Variants in NUP210L observed in about 807,000 individuals in gnomAD.
NUP210L encodes nucleoporin 210 like, also known as nuclear pore membrane glycoprotein 210-like.
In NUP210L, 74 loss-of-function variants were observed where a neutral mutation model predicts 208.5. That is an observed-to-expected ratio of 0.35 (90% CI 0.29 to 0.43). NUP210L has a LOEUF of 0.43. Ranked by LOEUF, NUP210L falls within the 20% of genes least tolerant of loss-of-function variation. NUP210L has a pLI of 1.00. For missense variants in NUP210L, 1,843 were observed against 2,289.4 expected (o/e 0.81, Z 3.98); for synonymous variants, 780 against 816.9 (o/e 0.95, Z 0.77).
chr1:154,025,907 T>C (rs1325051037), intron 29 of NUP210L, among the ~76,000 whole-genome samples, 191 bp from the exon 30 acceptor site: 1 of 152,104 alleles, frequency 6.6e-6, no homozygotes, highest in East Asian at 1.9e-4. Flanking sequence ...TAAAATCAAA[T>C]CTTATTACAT....
chr1:154,019,167 G>C (rs1410232274), intron 32 of NUP210L, 98 bp from the exon 33 acceptor site: 2 of 1,246,320 alleles, frequency 1.6e-6, no homozygotes, highest in Non-Finnish European at 2.2e-6. Context: ...CAAGCATGCA[G>C]ATATCTCTTC....
chr1:154,123,066 A>AT (rs1224875435), intron 10 of NUP210L, among the ~76,000 whole-genome samples: 3 of 137,900 alleles, frequency 2.2e-5, no homozygotes, highest in African/African-American at 8.1e-5. Context: ...AAAAAAAAAA[A>AT]AAACCACAAA....
At chr1:154,124,669 C>T (rs1657790525) in intron 10 of NUP210L, among the ~76,000 whole-genome samples, 1 of 152,172 alleles carries the variant, frequency 6.6e-6, no homozygotes, top group African/African-American at 2.4e-5. Context: ...GTACTCTATG[C>T]ACCTGGTAGT....
chr1:154,115,793 T>G (rs1657288579), intron 12 of NUP210L, among the ~76,000 whole-genome samples: 1 of 151,918 alleles, frequency 6.6e-6, no homozygotes. Context: ...GGCAAACTAT[T>G]AAGTCCTATA....
exon 22 of NUP210L, chr1:154,058,091 C>A: frequency 6.2e-7 from 1 of 1,614,010 alleles, no homozygotes; most frequent in South Asian, 1.1e-5. Flanking sequence ...GTACTTACGT[C>A]AGGGTGACAA....
intron 27 of NUP210L, among the ~76,000 whole-genome samples, chr1:154,031,721 CTTTT>C (rs780787597): frequency 1.4e-5 from 2 of 140,134 alleles, no homozygotes; most frequent in Non-Finnish European, 3.1e-5. Flanking sequence ...GATCACATTC[CTTTT>C]TTTTTTTTTT....
rs888742843 is a variant in NUP210L at position 154,058,285 on chromosome 1, G to A, written c.2980-69C>T. 3.3e-6 allele frequency: 5 copies of A among 1,528,924 alleles called. No individual in the cohort carries two copies. In the African/African-American group the frequency reaches 6.9e-5, roughly 21 times the overall value. 94.7% of individuals were successfully genotyped at this position (1,528,924 alleles called of 1,614,324 possible). A position where few individuals can be genotyped will look rare whatever the true frequency, so the allele number is the denominator to read the frequency against. On this transcript the variant is annotated intron_variant, in intron 21 of 39. Transcript: ENST00000368559. ...CACCAATGGCAGTCTAACTCTTAGA[G>A]GGCAGTGTACTTTTTTTTTCTTTCA... is the stretch of plus-strand genomic sequence containing the variant.
chr1:154,108,746 A>G (rs999755510), intron 12 of NUP210L, among the ~76,000 whole-genome samples: 1 of 151,718 alleles, frequency 6.6e-6, no homozygotes, highest in Admixed American at 6.6e-5. Flanking sequence ...TTTATCAATA[A>G]TAACATTGAA....
intron 27 of NUP210L, among the ~76,000 whole-genome samples, chr1:154,034,452 C>T (rs1652421626): frequency 6.6e-6 from 1 of 152,064 alleles, no homozygotes; most frequent in African/African-American, 2.4e-5. Flanking sequence ...CTTCAGCCTC[C>T]CGAGTAGCTG....
chr1:154,124,810 G>T (rs1189032747), intron 10 of NUP210L, among the ~76,000 whole-genome samples: 1 of 151,978 alleles, frequency 6.6e-6, no homozygotes, highest in East Asian at 1.9e-4. Context: ...AAATTAGCTG[G>T]GTGTGGTGGC....
chr1:154,070,481 A>G lies in NUP210L; in HGVS notation c.2362-16T>C. 6.7e-7 allele frequency: 1 copy of G among 1,500,212 alleles called. No individual in the cohort carries two copies. Among genetic ancestry groups the G allele is most frequent in the South Asian group, 1.3e-5 (1 of 74,310 alleles). 92.9% of individuals were successfully genotyped at this position (1,500,212 alleles called of 1,614,324 possible). A position where few individuals can be genotyped will look rare whatever the true frequency, so the allele number is the denominator to read the frequency against. On this transcript the variant is annotated splice_polypyrimidine_tract_variant and intron_variant, in intron 16 of 39. Transcript: ENST00000368559. ...ATACAGGAATCTGCATTAAAATAAA[A>G]AGTAATAAAACAACAATTTAAAAAT...
intron 27 of NUP210L, among the ~76,000 whole-genome samples, chr1:154,037,810 G>T (rs1304331995): frequency 1.3e-5 from 2 of 152,022 alleles, no homozygotes; most frequent in Non-Finnish European, 2.9e-5. Context: ...TGAAGACAGG[G>T]TTTCACCATG....
chr1:154,087,130 G>A (rs1238840678), intron 16 of NUP210L, among the ~76,000 whole-genome samples: 2 of 152,036 alleles, frequency 1.3e-5, no homozygotes, highest in Non-Finnish European at 2.9e-5. Context: ...GACCAGCCTG[G>A]CCAACATGGT....
At position 154,038,941 on chromosome 1, in the gene NUP210L, T is replaced by G. The variant is rs1652709739; in HGVS notation, c.3696+7128A>C. On this transcript the variant is annotated intron_variant, in intron 27 of 39. Coordinates refer to ENST00000368559, the Ensembl canonical transcript of NUP210L. ...CTCCTGTTTTTTAACTTTTTGTCAT[T>G]TCTATTATATCTTATTATATTGTCT... Among the ~76,000 whole-genome samples, 4 of 152,210 alleles carry G rather than the reference T, an allele frequency of 2.6e-5. No homozygotes were observed. In the South Asian group the frequency reaches 8.3e-4, roughly 32 times the overall value.
At position 154,106,179 on chromosome 1, in the gene NUP210L, C is replaced by A. The variant is rs530339824; in HGVS notation, c.1621-1969G>T. Among the ~76,000 whole-genome samples, 127 of 152,054 alleles carry A rather than the reference C, an allele frequency of 8.4e-4. 3 individuals carry two copies. In the South Asian group the frequency reaches 0.025, roughly 30 times the overall value. On this transcript the variant is annotated intron_variant, in intron 12 of 39. Transcript: ENST00000368559. Reference sequence around the variant, plus strand: ...GGAAGGCTGAGGCAAGGGAATCGCTCGAACCCAGGAGGCAGAGGTTGCAGT... The same window carrying A: ...GGAAGGCTGAGGCAAGGGAATCGCTAGAACCCAGGAGGCAGAGGTTGCAGT...
intron 38 of NUP210L, among the ~76,000 whole-genome samples, chr1:153,993,834 G>A (rs940442019): frequency 6.6e-6 from 1 of 152,098 alleles, no homozygotes; most frequent in Non-Finnish European, 1.5e-5. Flanking sequence ...GGCGATGGAG[G>A]TTGCAGTGAG....
Position 154,107,005 on chromosome 1 carries a change from A to C in NUP210L, c.1621-2795T>G, listed in dbSNP as rs12030490. Among the ~76,000 whole-genome samples, 243 of 152,302 alleles carry C rather than the reference A, an allele frequency of 1.6e-3. 6 individuals carry two copies. The East Asian group carries it at 0.046, about 29-fold the overall frequency. The stretch of plus-strand genomic sequence containing the variant: ...CCACAAAGATCAAGACCATACAGGA[A>C]AACATGGCCTAAATAAGGCACCAGT... On this transcript the variant is annotated intron_variant, in intron 12 of 39. Transcript: ENST00000368559.
intron 12 of NUP210L, among the ~76,000 whole-genome samples, chr1:154,110,853 G>T (rs1657002505): frequency 6.6e-6 from 1 of 151,024 alleles, no homozygotes; most frequent in Non-Finnish European, 1.5e-5. Context: ...ACTCCAGCCT[G>T]GGCAACAGAG....
At chr1:154,123,636 G>A (rs1045068564) in intron 10 of NUP210L, among the ~76,000 whole-genome samples, 1 of 152,048 alleles carries the variant, frequency 6.6e-6, no homozygotes, top group Non-Finnish European at 1.5e-5. Context: ...CCAGCACTTT[G>A]GGAGGCCAAG....
Sources: gnomAD v4.1 joint callset for allele counts (sites outside exome capture counted in the v4.1 genomes callset) on GRCh38, gnomAD v4.1.1 for gene constraint, MANE v1.5 for transcripts, NCBI Gene and HGNC (gene_info 2026-07-23, HGNC 2026-07-21) for gene names.